Variants in GREB1 observed in about 807,000 individuals in gnomAD.
GREB1 encodes the protein growth regulating estrogen receptor binding 1.
GREB1 carries 106 observed loss-of-function variants against 200.7 expected under a neutral mutation model. That is an observed-to-expected ratio of 0.53 (90% CI 0.45 to 0.62). The LOEUF is 0.62. Ranked by LOEUF, GREB1 falls within the 20% of genes least tolerant of loss-of-function variation. The pLI is 0.00. For synonymous variants in GREB1, 1,132 were observed against 1,092.4 expected (o/e 1.04, Z -0.72); for missense variants, 2,243 against 2,556.8 (o/e 0.88, Z 2.65).
intron 27 of GREB1, among the ~76,000 whole-genome samples, chr2:11,632,335 C>CTTTTT (rs567209224): frequency 6.2e-4 from 69 of 112,194 alleles, no homozygotes; most frequent in Non-Finnish European, 9.3e-4. Flanking sequence ...TTCTTTCTCT[C>CTTTTT]TTTTTTTTTT....
chr2:11,599,392 T>G (rs1363001950), intron 15 of GREB1, among the ~76,000 whole-genome samples: 1 of 148,820 alleles, frequency 6.7e-6, no homozygotes, highest in East Asian at 2.0e-4. Context: ...CAGGCTGGAG[T>G]GCAGTGGTGC....
chr2:11,602,577 C>T (rs756410264), intron 17 of GREB1, 35 bp downstream of exon 17: 1 of 1,595,416 alleles, frequency 6.3e-7, no homozygotes, highest in Non-Finnish European at 8.6e-7. Context: ...TAGAAGTGCT[C>T]AGTAGCTTAA....
intron 4 of GREB1, among the ~76,000 whole-genome samples, chr2:11,568,644 G>A (rs1397733787): frequency 6.6e-6 from 1 of 152,244 alleles, no homozygotes; most frequent in African/African-American, 2.4e-5. Flanking sequence ...GGATTCATCT[G>A]GATCCCACCA....
intron 10 of GREB1, chr2:11,591,386 T>G (rs1468988682): frequency 1.4e-6 from 1 of 734,910 alleles, no homozygotes; most frequent in South Asian, 1.5e-5. Context: ...CCTGACGCAC[T>G]TTCTTCCAGC....
Position 11,600,838 on chromosome 2 carries a change from C to T in GREB1, c.2372C>T (p.Ser791Leu), listed in dbSNP as rs775792701. Reference protein sequence around the residue: ...VHNLYSQSDPSVGLVDRLLNC... With the variant: ...VHNLYSQSDPLVGLVDRLLNC... ...AACCTCTATTCTCAAAGTGACCCGT[C>T]GGTGGGATTGGTGGACCGATTGCTC... Residue 791 changes from serine to leucine, a missense_variant, in exon 16 of 33, where the codon TCG (serine) becomes TTG (leucine). Physicochemically the swap from Ser to Leu is moderately radical, Grantham distance 145. This residue lies in a region of GREB1 where 1,178 missense variants were observed against 1,387.4 expected (regional missense o/e 0.85). Coordinates refer to ENST00000381486, the MANE Select transcript of GREB1 (RefSeq NM_014668.4). The T allele has an allele frequency of 3.3e-5, 54 of 1,614,028 alleles. No homozygotes were observed. Among genetic ancestry groups the T allele is most frequent in the East Asian group, 4.5e-5 (2 of 44,902 alleles).
At chr2:11,490,803 C>T (rs1672760020) in intron 1 of GREB1, among the ~76,000 whole-genome samples, 4 of 152,206 alleles carry the variant, frequency 2.6e-5, no homozygotes, top group Non-Finnish European at 5.9e-5. Context: ...CCCGCCTTGG[C>T]CTCCCAAAGT....
At chr2:11,589,774 G>A (rs1261643583) in intron 10 of GREB1, among the ~76,000 whole-genome samples, 1 of 152,192 alleles carries the variant, frequency 6.6e-6, no homozygotes, top group African/African-American at 2.4e-5. Context: ...CTATTCTGAA[G>A]GTAAGGCCGG....
rs562233662 is a variant in GREB1 at position 11,553,924 on chromosome 2, C to T, written c.-161-2530C>T. 4.7e-5 allele frequency among the ~76,000 whole-genome samples: 7 copies of T among 148,842 alleles called. No individual in the cohort carries two copies. In the South Asian group the frequency reaches 1.6e-3, roughly 34 times the overall value. ...TCAGGGGCTCCATGTAAAACGAGTC[C>T]ACCTTAAAGCTTCTTCCTGTGTGCC... On this transcript the variant is annotated intron_variant, in intron 1 of 32. Coordinates refer to ENST00000381486, the MANE Select transcript of GREB1 (RefSeq NM_014668.4).
intron 1 of GREB1, among the ~76,000 whole-genome samples, chr2:11,482,948 G>A (rs1040415343): frequency 9.3e-5 from 14 of 151,230 alleles, no homozygotes; most frequent in Admixed American, 7.2e-4. Flanking sequence ...GGCGGCCGGA[G>A]GACAAAGGGC....
chr2:11,587,611 C>G (rs1680254290), intron 9 of GREB1: 2 of 1,455,460 alleles, frequency 1.4e-6, no homozygotes, highest in Non-Finnish European at 1.8e-6. Context: ...TCCCCGAGCC[C>G]AGCAGGACAT....
At chr2:11,546,447 A>T (rs984766291) in intron 1 of GREB1, among the ~76,000 whole-genome samples, 3 of 152,216 alleles carry the variant, frequency 2.0e-5, no homozygotes, top group Admixed American at 2.0e-4. Context: ...ATGTTTTTAT[A>T]TGCTTATATG....
At chr2:11,600,447 A>G (rs1307651184) in intron 15 of GREB1, among the ~76,000 whole-genome samples, 2 of 152,188 alleles carry the variant, frequency 1.3e-5, no homozygotes, top group Non-Finnish European at 2.9e-5. Context: ...CTGTGTAAGG[A>G]GATAAGTACA....
At chr2:11,602,605 G>T in intron 17 of GREB1, 63 bp downstream of exon 17, 1 of 1,443,448 alleles carries the variant, frequency 6.9e-7, no homozygotes, top group South Asian at 1.2e-5. Context: ...GTTGAGGTGC[G>T]TTTAGCCAGC....
intron 24 of GREB1, 140 bp downstream of exon 24, chr2:11,625,452 C>A (rs2148394902): frequency 2.6e-6 from 2 of 757,048 alleles, no homozygotes; most frequent in East Asian, 4.9e-5. Flanking sequence ...GAGGTCACCA[C>A]CTCCCTGTAT....
chr2:11,612,193 CAAA>C (rs59217779), intron 18 of GREB1: 374 of 239,626 alleles, frequency 1.6e-3, no homozygotes, highest in Middle Eastern at 5.9e-3. Flanking sequence ...GACTCTGTCT[CAAA>C]AAAAAAAAAA....
At chr2:11,564,161 G>A (rs981496654) in intron 3 of GREB1, among the ~76,000 whole-genome samples, 2 of 152,180 alleles carry the variant, frequency 1.3e-5, no homozygotes, top group African/African-American at 4.8e-5. Flanking sequence ...GGGGCCTGAG[G>A]TGTGGCAGAG....
rs201217755 is a variant in GREB1, at chr2:11,607,428, ATGTGTGTGTGTGTG to A, written c.2667-3240_2667-3227del. Among the ~76,000 whole-genome samples, 30 of 104,872 alleles carry A rather than the reference ATGTGTGTGTGTGTG, an allele frequency of 2.9e-4. No homozygotes were observed. In the South Asian group the frequency reaches 9.2e-3, roughly 32 times the overall value. The allele number at this position is 104,872 out of a possible 152,430, so 68.8% of individuals were successfully genotyped here. On this transcript the variant is annotated intron_variant, in intron 17 of 32. Coordinates refer to ENST00000381486, the MANE Select transcript of GREB1 (RefSeq NM_014668.4). ...GCTGCCAATTTCATCCAGTATATGT[ATGTGTGTGTGTGTG>A]TGTGTGTGTGTGTGTGTGTATATAT...
chr2:11,578,578 A>AATTTGTAAT, intron 6 of GREB1, 147 bp downstream of exon 6: 1 of 812,148 alleles, frequency 1.2e-6, no homozygotes, highest in Non-Finnish European at 1.9e-6. Flanking sequence ...TTTCATCTTG[A>AATTTGTAAT]ATTTGTAATA....
intron 1 of GREB1, among the ~76,000 whole-genome samples, chr2:11,515,108 T>TTCCA (rs71393889): frequency 0.49 from 70,071 of 142,780 alleles, 18,071 homozygotes; most frequent in East Asian, 0.77. Flanking sequence ...CTATCCATCC[T>TTCCA]TCCATCCATC....
Sources: allele counts gnomAD v4.1 joint callset (sites outside exome capture counted in the v4.1 genomes callset), GRCh38; gene constraint gnomAD v4.1.1; regional missense constraint gnomAD v4.1.1; transcripts MANE v1.5; gene names NCBI Gene and HGNC (gene_info 2026-07-23, HGNC 2026-07-21).